SCNN1A: variants seen among roughly 807,000 people sequenced by gnomAD.
SCNN1A encodes epithelial sodium channel subunit alpha.
In SCNN1A, 65 loss-of-function variants were observed where a neutral mutation model predicts 68.6. The ratio of observed to expected loss-of-function variants is 0.95; its 90% confidence interval spans 0.78 to 1.16. The LOEUF (loss-of-function observed/expected upper bound fraction) is 1.16. SCNN1A is among the 50% of genes most tolerant of loss of function. The pLI is 0.00. For missense variants in SCNN1A, 880 were observed against 865.9 expected, an observed-to-expected ratio of 1.02 and a Z score of -0.20; for synonymous variants, 357 against 353.3, an observed-to-expected ratio of 1.01 and a Z score of -0.12.
At chr12:6,376,562 G>A (rs918808530), upstream of SCNN1A, among the ~76,000 whole-genome samples, 13 of 152,362 alleles carry the variant, frequency 8.5e-5, no homozygotes, top group African/African-American at 2.9e-4. Context: ...GACAGGCCCT[G>A]GGAGGAGGAG....
rs1948296807 is a variant in SCNN1A, at chr12:6,348,155, C to T, written c.1728G>A (p.Leu576=). 7 of 1,614,048 alleles carry T rather than the reference C, an allele frequency of 4.3e-6. No individual in the cohort carries two copies. The Admixed American group carries it at 1.2e-4, about 27-fold the overall frequency. The change falls in exon 13 of 13, where the codon CTG becomes CTA. Residue 576 remains leucine (L), a synonymous_variant. Coordinates refer to ENST00000228916, the MANE Select transcript of SCNN1A (RefSeq NM_001038.6). ...VVEMAELVFD[L]LVIMFLMLLR... ...GCAGCATGAGGAACATGATGACCAGCAGGTCAAAGACGAGCTCAGCCATCT... is the reference window on the plus strand; with the variant it reads ...GCAGCATGAGGAACATGATGACCAGTAGGTCAAAGACGAGCTCAGCCATCT...
rs150966071 is a variant in SCNN1A at position 6,347,364 on chromosome 12, A to C, written c.*509T>G. On this transcript the variant is annotated 3_prime_UTR_variant, in exon 13 of 13. Coordinates refer to ENST00000228916, the MANE Select transcript of SCNN1A (RefSeq NM_001038.6). ...AGGGAAGGGGAATTGCCTAAGTAAC[A>C]AAGGGGGCTTTTGGGTGGGGTTTCC... The C allele has an allele frequency of 3.4e-4, 56 of 167,042 alleles. No individual in the cohort carries two copies. The East Asian group carries it at 9.2e-3, about 27-fold the overall frequency. The allele number at this position is 167,042 out of a possible 1,614,324, so 10.3% of individuals were successfully genotyped here.
In SCNN1A at chr12:6,349,308, C is replaced by A; in HGVS notation, c.1439+19G>T. The A allele has an allele frequency of 6.2e-7, 1 of 1,613,616 alleles. No homozygotes were observed. The highest frequency in any genetic ancestry group is 1.1e-5 in the South Asian group (1 of 91,042). On this transcript the variant is annotated intron_variant, in intron 9 of 12. Coordinates refer to ENST00000228916, the MANE Select transcript of SCNN1A (RefSeq NM_001038.6). Reference sequence around the variant, plus strand: ...ACCTGTATTCTACCCAACCTGTACCCGGGGAAGGGGACACTAACCTGCATG... The same window carrying A: ...ACCTGTATTCTACCCAACCTGTACCAGGGGAAGGGGACACTAACCTGCATG...
intron 2 of SCNN1A, among the ~76,000 whole-genome samples, chr12:6,369,533 CATAAG>C (rs1948748003): frequency 6.6e-6 from 1 of 152,100 alleles, no homozygotes; most frequent in Non-Finnish European, 1.5e-5. Context: ...TCTTTTTTGG[CATAAG>C]ATAAGACGGA....
chr12:6,354,421 G>A lies in SCNN1A; in HGVS notation c.1360+17C>T. ...CTGGGGTCAGTGGGGCAGGGTGGGG[G>A]CTCCCTGGAGTCTCACCCCAGGAAC... On this transcript the variant is annotated intron_variant, in intron 8 of 12. Transcript: ENST00000228916. The A allele has an allele frequency of 3.2e-6, 5 of 1,544,288 alleles. No individual in the cohort carries two copies. The highest frequency in any genetic ancestry group is 2.2e-4 in the Middle Eastern group (1 of 4,486).
chr12:6,354,955 C>T, intron 6 of SCNN1A, 107 bp from the exon 7 acceptor site: 2 of 953,400 alleles, frequency 2.1e-6, no homozygotes, highest in Non-Finnish European at 3.4e-6. Context: ...GCCCCTCCTA[C>T]TGGCCTCGCC....
At chr12:6,348,351 T>A in intron 12 of SCNN1A, 98 bp from the exon 13 acceptor site, 1 of 1,592,972 alleles carries the variant, frequency 6.3e-7, no homozygotes, top group Non-Finnish European at 8.5e-7. Flanking sequence ...TCTCCCTTCA[T>A]CCCTGAAGAC....
chr12:6,363,577 G>A lies in SCNN1A; in HGVS notation c.550C>T (p.Leu184=). Reference sequence around the variant, plus strand: ...CTCAGGCGCTGCAAGGGGTGCGGCAGAGTCCCCCGCAGGTCGCGACGGCTG... The same window carrying A: ...CTCAGGCGCTGCAAGGGGTGCGGCAAAGTCCCCCGCAGGTCGCGACGGCTG... ...SRSRRDLRGT[L]PHPLQRLRVP... The change falls in exon 3 of 13, where the codon CTG becomes TTG. Residue 184 remains leucine, a synonymous_variant. Coordinates refer to ENST00000228916, the MANE Select transcript of SCNN1A (RefSeq NM_001038.6). The A allele has an allele frequency of 6.2e-7, 1 of 1,611,754 alleles. No individual in the cohort carries two copies. The highest frequency in any genetic ancestry group is 1.3e-5 in the African/African-American group (1 of 74,992).
At position 6,363,408 on chromosome 12, in the gene SCNN1A, GGGCGGGGCGGGCCCCTC is replaced by G. The variant is rs1948615411; in HGVS notation, c.684+18_684+34del. 4 of 1,486,052 alleles carry G rather than the reference GGGCGGGGCGGGCCCCTC, an allele frequency of 2.7e-6. No homozygotes were observed. The highest frequency in any genetic ancestry group is 2.6e-5 in the East Asian group (1 of 38,758). 92.1% of individuals were successfully genotyped at this position (1,486,052 alleles called of 1,614,324 possible). ...GTGGGCGGGGCCAGGGGCCGGCGAGGGGCGGGGCGGGCCCCTCGGCGCTGCGGGCCTCACCAGCTGGA... is the reference window on the plus strand; with the variant it reads ...GTGGGCGGGGCCAGGGGCCGGCGAGGGGCGCTGCGGGCCTCACCAGCTGGA... On this transcript the variant is annotated intron_variant, in intron 3 of 12. Coordinates refer to ENST00000228916, the MANE Select transcript of SCNN1A (RefSeq NM_001038.6).
intron 1 of SCNN1A, chr12:6,375,296 C>A: frequency 7.0e-7 from 1 of 1,438,556 alleles, no homozygotes; most frequent in Non-Finnish European, 9.1e-7. Flanking sequence ...CTTCCTCTCC[C>A]CCCCTTGCCT....
In SCNN1A at chr12:6,362,225, G is replaced by A. The variant is rs761907917; in HGVS notation, c.701C>T (p.Ser234Leu). ...IGFQLCNQNK[S>L]DCFYQTYSSG... ...TGAGTATGTCTGGTAGAAGCAGTCC[G>A]ATTTGTTCTGGTTGCACTGGACACA... is the stretch of plus-strand genomic sequence containing the variant. The change falls in exon 4 of 13, where the codon TCG becomes TTG. Residue 234 changes from serine to leucine, a missense_variant. Transcript: ENST00000228916. 7.4e-6 allele frequency: 12 copies of A among 1,614,004 alleles called. No individual in the cohort carries two copies. In the East Asian group the frequency reaches 1.1e-4, roughly 15 times the overall value.
At chr12:6,350,012 G>A (rs1029350488) in intron 8 of SCNN1A, 2 of 192,710 alleles carry the variant, frequency 1.0e-5, no homozygotes, top group Non-Finnish European at 2.3e-5. Context: ...AGGTGTGAGC[G>A]ACCGCACCTG....
Position 6,354,427 on chromosome 12 carries a change from T to C in SCNN1A, c.1360+11A>G, listed in dbSNP as rs746559168. On this transcript the variant is annotated intron_variant, in intron 8 of 12. Coordinates refer to ENST00000228916, the MANE Select transcript of SCNN1A (RefSeq NM_001038.6). ...TCAGTGGGGCAGGGTGGGGGCTCCCTGGAGTCTCACCCCAGGAACTGTGCT... is the reference window on the plus strand; with the variant it reads ...TCAGTGGGGCAGGGTGGGGGCTCCCCGGAGTCTCACCCCAGGAACTGTGCT... The C allele has an allele frequency of 3.1e-6, 5 of 1,587,878 alleles. No homozygotes were observed. The highest frequency in any genetic ancestry group is 4.3e-6 in the Non-Finnish European group (5 of 1,157,654).
At chr12:6,355,969 C>T in intron 4 of SCNN1A, 89 bp from the exon 5 acceptor site, 1 of 867,008 alleles carries the variant, frequency 1.2e-6, no homozygotes, top group Non-Finnish European at 2.0e-6. Context: ...TGTCCACTCT[C>T]TTAAACTCCT....
rs1592068187 is a variant in SCNN1A, at chr12:6,355,808, G to A, written c.948C>T (p.Leu316=). The A allele has an allele frequency of 2.5e-6, 4 of 1,613,600 alleles. No homozygotes were observed. Among genetic ancestry groups the A allele is most frequent in the South Asian group, 1.1e-5 (1 of 91,070 alleles). The part of the protein sequence containing the change: ...YTFNDKNNSN[L]WMSSMPGINN... ...TGATTCCAGGCATGGAAGACATCCA[G>A]AGGTTGGAGTTGTTCTTGTCATTGA... The change falls in exon 5 of 13, where the codon CTC becomes CTT. Residue 316 remains leucine, a synonymous_variant. Transcript: ENST00000228916.
chr12:6,348,005 C>T lies in SCNN1A; in HGVS notation c.1878G>A (p.Leu626=). The change falls in exon 13 of 13, where the codon TTG becomes TTA. Residue 626 remains leucine (L), a synonymous_variant. Transcript: ENST00000228916. ...GAGAGGGAGCAGGGCCTGGCTGGGA[C>T]AAGGACAGAGACATGGGGTGGGGGC... is the stretch of plus-strand genomic sequence containing the variant. ...HFCPHPMSLS[L]SQPGPAPSPA... 2 of 1,587,082 alleles carry T rather than the reference C, an allele frequency of 1.3e-6. No homozygotes were observed. The highest frequency in any genetic ancestry group is 2.3e-5 in the South Asian group (2 of 88,516).
At chr12:6,370,397 G>A (rs954420447) in intron 2 of SCNN1A, among the ~76,000 whole-genome samples, 1 of 152,030 alleles carries the variant, frequency 6.6e-6, no homozygotes, top group Non-Finnish European at 1.5e-5. Flanking sequence ...CCCCTCTTCC[G>A]TGTCCAGGAC....
At chr12:6,352,447 T>C (rs1948404115) in intron 8 of SCNN1A, among the ~76,000 whole-genome samples, 1 of 152,142 alleles carries the variant, frequency 6.6e-6, no homozygotes, top group South Asian at 2.1e-4. Context: ...CCCTAGGAAA[T>C]GCAACAGACT....
Position 6,347,964 on chromosome 12 carries a change from G to A in SCNN1A, c.1919C>T (p.Pro640Leu). The change falls in exon 13 of 13, where the codon CCT (proline) becomes CTT (leucine). Residue 640 changes from proline to leucine, a missense_variant. Pro to Leu is a moderately conservative substitution (Grantham distance 98). Coordinates refer to ENST00000228916, the MANE Select transcript of SCNN1A (RefSeq NM_001038.6). ...GPAPSPALTA[P>L]PPAYATLGPR... Reference sequence around the variant, plus strand: ...GCCCAGGGTGGCATAGGCAGGGGGAGGGGCTGTCAAGGCTGGAGAGGGAGC... The same window carrying A: ...GCCCAGGGTGGCATAGGCAGGGGGAAGGGCTGTCAAGGCTGGAGAGGGAGC... The A allele has an allele frequency of 6.4e-7, 1 of 1,565,754 alleles. No individual in the cohort carries two copies. Among genetic ancestry groups the A allele is most frequent in the Non-Finnish European group, 8.7e-7 (1 of 1,150,894 alleles).
Sources: gnomAD v4.1 joint callset for allele counts (sites outside exome capture counted in the v4.1 genomes callset) on GRCh38, gnomAD v4.1.1 for gene constraint, MANE v1.5 for transcripts, NCBI Gene and HGNC (gene_info 2026-07-23, HGNC 2026-07-21) for gene names.